DLGAP1: variants seen among roughly 807,000 people sequenced by gnomAD.
DLGAP1 encodes the protein DLG associated protein 1, also known as disks large-associated protein 1.
DLGAP1 carries 11 observed loss-of-function variants against 90.8 expected under a neutral mutation model. The ratio of observed to expected loss-of-function variants is 0.12; its 90% confidence interval spans 0.08 to 0.20. The LOEUF (loss-of-function observed/expected upper bound fraction) is 0.20, where lower values mean the gene tolerates loss of function less well. Among genes scored for constraint, DLGAP1 ranks in the 10% least tolerant of loss-of-function variants. The pLI is 1.00. For synonymous variants in DLGAP1, 558 were observed against 540.7 expected, an observed-to-expected ratio of 1.03 and a Z score of -0.44; for missense variants, 1,050 against 1,333.8, an observed-to-expected ratio of 0.79 and a Z score of 3.31.
At chr18:3,846,184 G>A (rs544619571) in intron 4 of DLGAP1, among the ~76,000 whole-genome samples, 1 of 152,078 alleles carries the variant, frequency 6.6e-6, no homozygotes, top group African/African-American at 2.4e-5. Context: ...CAGCTTTACT[G>A]AGTGCAATCT....
chr18:3,731,263 C>G (rs2062416546), intron 6 of DLGAP1, among the ~76,000 whole-genome samples: 1 of 151,966 alleles, frequency 6.6e-6, no homozygotes, highest in African/African-American at 2.4e-5. Flanking sequence ...AAAGAGATAG[C>G]AAAATATTTC....
intron 1 of DLGAP1, among the ~76,000 whole-genome samples, chr18:4,298,163 C>T (rs1312901642): frequency 6.6e-6 from 1 of 152,184 alleles, no homozygotes; most frequent in Non-Finnish European, 1.5e-5. Context: ...CCAAGTCCCG[C>T]AGTCCGCCTT....
intron 1 of DLGAP1, among the ~76,000 whole-genome samples, chr18:4,243,996 T>A (rs973541268): frequency 5.6e-4 from 85 of 152,190 alleles, no homozygotes; most frequent in Non-Finnish European, 1.8e-4. Flanking sequence ...TGTAACTTCA[T>A]CGATTATTAT....
At chr18:3,600,704 A>ATAGATACATAGATATCTG (rs1555695311) in intron 7 of DLGAP1, among the ~76,000 whole-genome samples, 1 of 65,230 alleles carries the variant, frequency 1.5e-5, no homozygotes, top group Non-Finnish European at 3.3e-5. Flanking sequence ...ATAGATATCT[A>ATAGATACATAGATATCTG]TAGCTATATA....
intron 9 of DLGAP1, among the ~76,000 whole-genome samples, chr18:3,549,337 C>CTTTT (rs398031867): frequency 6.9e-6 from 1 of 144,610 alleles, no homozygotes; most frequent in Admixed American, 6.9e-5. Context: ...CTCTCTCTCT[C>CTTTT]TTTTTTTTTT....
chr18:3,833,824 T>C (rs1238640357), intron 4 of DLGAP1, among the ~76,000 whole-genome samples: 6 of 152,202 alleles, frequency 3.9e-5, no homozygotes, highest in African/African-American at 1.4e-4. Context: ...TTTATTAAGA[T>C]ACTTGAAGGT....
chr18:4,214,017 T>C (rs1472589807), intron 1 of DLGAP1, among the ~76,000 whole-genome samples: 1 of 152,094 alleles, frequency 6.6e-6, no homozygotes, highest in African/African-American at 2.4e-5. Flanking sequence ...CAGAGTGCCC[T>C]AGATTGAGGA....
At chr18:3,912,224 C>A (rs1388679259) in intron 3 of DLGAP1, among the ~76,000 whole-genome samples, 1 of 152,196 alleles carries the variant, frequency 6.6e-6, no homozygotes, top group African/African-American at 2.4e-5. Context: ...AACTCTAATG[C>A]TTTACCTCAT....
chr18:4,114,102 A>AT (rs568717909), intron 2 of DLGAP1, among the ~76,000 whole-genome samples: 30 of 126,188 alleles, frequency 2.4e-4, no homozygotes, highest in East Asian at 1.8e-3. Flanking sequence ...GCTTTGGATA[A>AT]TTTTTTTTTT....
At position 4,004,907 on chromosome 18, in the gene DLGAP1, GGTGTGT is replaced by G. The variant is rs3031739; in HGVS notation, c.-73+203_-73+208del. On this transcript the variant is annotated intron_variant, in intron 3 of 12. Transcript: ENST00000315677. ...GTCCATTAATTGCCTCAGAGGGAAGGGTGTGTGTGTGTGTGTGTGTGTGTGTGTGTG... is the reference window on the plus strand; with the variant it reads ...GTCCATTAATTGCCTCAGAGGGAAGGGTGTGTGTGTGTGTGTGTGTGTGTG... 561 of 146,380 alleles carry G rather than the reference GGTGTGT, an allele frequency of 3.8e-3. 2 individuals carry two copies. The highest frequency in any genetic ancestry group is 0.011 in the South Asian group (49 of 4,552). 9.1% of individuals were successfully genotyped at this position (146,380 alleles called of 1,614,324 possible).
At chr18:4,158,223 T>A (rs1490959616) in intron 1 of DLGAP1, among the ~76,000 whole-genome samples, 1 of 152,180 alleles carries the variant, frequency 6.6e-6, no homozygotes, top group Non-Finnish European at 1.5e-5. Context: ...ATTCTTATAG[T>A]TGCATTGCAC....
chr18:4,209,036 C>G (rs189723041), intron 1 of DLGAP1, among the ~76,000 whole-genome samples: 2 of 152,058 alleles, frequency 1.3e-5, no homozygotes, highest in African/African-American at 4.8e-5. Context: ...CAGGTGAGGC[C>G]GGGTGGAAAG....
chr18:3,569,939 C>T (rs561434), intron 8 of DLGAP1, among the ~76,000 whole-genome samples: 17,232 of 151,918 alleles, frequency 0.11, 1,174 homozygotes, highest in South Asian at 0.17. Flanking sequence ...GCAGAAGTAC[C>T]ATTCTGTATC....
intron 1 of DLGAP1, among the ~76,000 whole-genome samples, chr18:4,364,684 A>G (rs374260149): frequency 2.6e-5 from 4 of 151,720 alleles, no homozygotes; most frequent in African/African-American, 9.7e-5. Context: ...TGGTTACTTC[A>G]TGTCTTCTGC....
intron 1 of DLGAP1, among the ~76,000 whole-genome samples, chr18:4,406,710 T>C (rs1174158385): frequency 1.3e-5 from 2 of 152,112 alleles, no homozygotes; most frequent in Admixed American, 6.5e-5. Context: ...TGTCAGGGAA[T>C]GAATTAGAGG....
At chr18:3,629,446 C>T (rs58946347) in intron 7 of DLGAP1, among the ~76,000 whole-genome samples, 4,799 of 151,862 alleles carry the variant, frequency 0.032, 211 homozygotes, top group East Asian at 0.16. Context: ...CTGAGGCGGG[C>T]GGATCACGAG....
At chr18:3,969,315 A>G (rs1394977242) in intron 3 of DLGAP1, among the ~76,000 whole-genome samples, 3 of 152,232 alleles carry the variant, frequency 2.0e-5, no homozygotes, top group Admixed American at 1.3e-4. Flanking sequence ...TACAACTTTT[A>G]GTCATTCCTT....
chr18:4,112,396 T>C (rs1282481282), intron 2 of DLGAP1, among the ~76,000 whole-genome samples: 4 of 152,170 alleles, frequency 2.6e-5, no homozygotes, highest in Non-Finnish European at 5.9e-5. Flanking sequence ...TCTGTTGCTG[T>C]TGGGTGGAGG....
At chr18:4,280,779 G>T (rs896206099) in intron 1 of DLGAP1, 2 of 152,166 alleles carry the variant, frequency 1.3e-5, no homozygotes, top group Non-Finnish European at 2.9e-5. Flanking sequence ...AAGCAACGAT[G>T]ACCTCTTAAA....
Sources: allele counts gnomAD v4.1 joint callset (sites outside exome capture counted in the v4.1 genomes callset), GRCh38; gene constraint gnomAD v4.1.1; transcripts MANE v1.5; gene names NCBI Gene and HGNC (gene_info 2026-07-23, HGNC 2026-07-21).